The following ELFN2 variants were observed in gnomAD, a reference collection of about 807,000 sequenced individuals.
ELFN2 encodes protein phosphatase 1 regulatory subunit 29.
In ELFN2, 17 loss-of-function variants were observed where a neutral mutation model predicts 45.5. That is an observed-to-expected ratio of 0.37 (90% CI 0.26 to 0.56). The LOEUF (loss-of-function observed/expected upper bound fraction) is 0.56. Among genes scored for constraint, ELFN2 ranks in the 20% least tolerant of loss-of-function variants. The pLI, the probability that ELFN2 is intolerant of heterozygous loss-of-function variation, is 0.77. For missense variants in ELFN2, 922 were observed against 1,183.2 expected, an observed-to-expected ratio of 0.78 and a Z score of 3.24; for synonymous variants, 550 against 551.5, an observed-to-expected ratio of 1.00 and a Z score of 0.04.
chr22:37,387,814 C>G (rs896379822), intron 2 of ELFN2, among the ~76,000 whole-genome samples: 5 of 152,066 alleles, frequency 3.3e-5, no homozygotes, highest in Non-Finnish European at 7.4e-5. Context: ...CCCTTCAACC[C>G]TTCCCAAGGC....
intron 1 of ELFN2, among the ~76,000 whole-genome samples, chr22:37,359,499 C>G (rs1931029788): frequency 6.6e-6 from 1 of 152,358 alleles, no homozygotes; most frequent in Non-Finnish European, 1.5e-5. Flanking sequence ...GCTGTATCTG[C>G]AACACTGTCG....
chr22:37,344,298 G>C (rs1406167212), intron 1 of ELFN2, among the ~76,000 whole-genome samples: 8 of 148,650 alleles, frequency 5.4e-5, no homozygotes, highest in Non-Finnish European at 1.0e-4. Flanking sequence ...CCACAGCCCA[G>C]TCACCACACT....
At chr22:37,420,138 G>A (rs1215689626) in intron 1 of ELFN2, 2 of 152,200 alleles carry the variant, frequency 1.3e-5, no homozygotes, top group Non-Finnish European at 2.9e-5. Context: ...GGACGGTGCG[G>A]AGGTGGGGAG....
intron 2 of ELFN2, among the ~76,000 whole-genome samples, chr22:37,379,539 T>C (rs1027967764): frequency 6.6e-6 from 1 of 152,162 alleles, no homozygotes; most frequent in Non-Finnish European, 1.5e-5. Flanking sequence ...ACCAGCTCTC[T>C]TTAAGGGGCA....
In ELFN2 at chr22:37,375,466, G is replaced by T; in HGVS notation, c.69C>A (p.Asp23Glu). 1.2e-6 allele frequency: 2 copies of T among 1,608,530 alleles called. No homozygotes were observed. Among genetic ancestry groups the T allele is most frequent in the Non-Finnish European group, 1.7e-6 (2 of 1,177,616 alleles). Residue 23 changes from aspartate (D) to glutamate (E), a missense_variant, in exon 3 of 3, where the codon GAC becomes GAA. Transcript: ENST00000402918. ...CVCRPGAVRA[D>E]CWLIEGDKGY... ...CCTTGTCGCCCTCAATGAGCCAGCA[G>T]TCGGCACGCACGGCACCCGGCCGGC... is the stretch of plus-strand genomic sequence containing the variant.
At position 37,378,786 on chromosome 22, in the gene ELFN2, G is replaced by A. The variant is rs57657220; in HGVS notation, c.-462-2790C>T. ...ATCCCGGGCTGCCTGCCTGCCACCC[G>A]TGGAGACCTGACGCGGCCAGGGAGG... On this transcript the variant is annotated intron_variant, in intron 2 of 2. Transcript: ENST00000402918. Among the ~76,000 whole-genome samples, 13 of 152,366 alleles carry A rather than the reference G, an allele frequency of 8.5e-5. No individual in the cohort carries two copies. The South Asian group carries it at 1.4e-3, about 17-fold the overall frequency.
At chr22:37,392,018 G>C (rs1359078441) in intron 2 of ELFN2, among the ~76,000 whole-genome samples, 2 of 152,228 alleles carry the variant, frequency 1.3e-5, no homozygotes, top group East Asian at 3.9e-4. Flanking sequence ...AGGAGGAAAA[G>C]GATAACCCAC....
Position 37,373,748 on chromosome 22 carries a change from A to G in ELFN2, c.1787T>C (p.Leu596Pro). 1.3e-6 allele frequency: 2 copies of G among 1,571,830 alleles called. No homozygotes were observed. The highest frequency in any genetic ancestry group is 1.7e-6 in the Non-Finnish European group (2 of 1,165,886). ...AASSATGPGA[L>P]ERPSFLSPPY... ...AGGCGAAAGGAAGCTGGGCCGCTCC[A>G]GGGCCCCGGGGCCAGTGGCTGAGGA... Residue 596 changes from leucine to proline, a missense_variant, in exon 3 of 3, where the codon CTG becomes CCG. By Grantham distance (98) the Leu-to-Pro change is moderately conservative. Coordinates refer to ENST00000402918, the MANE Select transcript of ELFN2 (RefSeq NM_052906.5).
intron 2 of ELFN2, among the ~76,000 whole-genome samples, chr22:37,404,513 AGG>A (rs1932446931): frequency 6.6e-6 from 1 of 152,086 alleles, no homozygotes; most frequent in Non-Finnish European, 1.5e-5. Flanking sequence ...GCAGTGCAGG[AGG>A]ACAGAGGCAG....
intron 2 of ELFN2, among the ~76,000 whole-genome samples, chr22:37,395,443 A>G (rs921602529): frequency 1.3e-5 from 2 of 152,186 alleles, no homozygotes; most frequent in East Asian, 3.9e-4. Flanking sequence ...TCAGGCCCAG[A>G]GCAGTGAAGC....
In ELFN2 at chr22:37,403,682, C is replaced by T. The variant is rs987992338; in HGVS notation, c.-463+14087G>A. Among the ~76,000 whole-genome samples, 5 of 152,314 alleles carry T rather than the reference C, an allele frequency of 3.3e-5. No homozygotes were observed. The East Asian group carries it at 5.8e-4, about 18-fold the overall frequency. On this transcript the variant is annotated intron_variant, in intron 2 of 2. Coordinates refer to ENST00000402918, the MANE Select transcript of ELFN2 (RefSeq NM_052906.5). ...CACAGGAAAAGGCAGAAAAGGCAGG[C>T]CAGGCACCCAGAGACCATCCGGGAC...
chr22:37,396,420 C>T (rs1932213246), intron 2 of ELFN2, among the ~76,000 whole-genome samples: 1 of 152,200 alleles, frequency 6.6e-6, no homozygotes, highest in East Asian at 1.9e-4. Flanking sequence ...TCTGTTAGCG[C>T]ACTCATTTCC....
At chr22:37,423,674 T>A (rs1371373695) in intron 1 of ELFN2, among the ~76,000 whole-genome samples, 1 of 152,114 alleles carries the variant, frequency 6.6e-6, no homozygotes, top group Non-Finnish European at 1.5e-5. Context: ...TTAGCTGATA[T>A]CATTATTATT....
chr22:37,399,651 C>T (rs1181201552), intron 2 of ELFN2, among the ~76,000 whole-genome samples: 2 of 150,606 alleles, frequency 1.3e-5, no homozygotes, highest in African/African-American at 5.0e-5. Context: ...ACCTCTCCCA[C>T]CTCCACCGAC....
chr22:37,358,787 G>A (rs978148256), intron 1 of ELFN2, among the ~76,000 whole-genome samples: 15 of 152,216 alleles, frequency 9.9e-5, no homozygotes, highest in African/African-American at 3.1e-4. Context: ...CATCCCCCAA[G>A]TGAAGGGTGG....
chr22:37,383,151 G>A (rs561449245), intron 2 of ELFN2, among the ~76,000 whole-genome samples: 6 of 152,212 alleles, frequency 3.9e-5, no homozygotes, highest in Non-Finnish European at 7.4e-5. Flanking sequence ...ACAACGTGTC[G>A]CCTGGAGCCA....
intron 2 of ELFN2, among the ~76,000 whole-genome samples, chr22:37,408,136 G>A (rs9610744): frequency 0.2 from 29,930 of 152,186 alleles, 4,523 homozygotes; most frequent in African/African-American, 0.43. Flanking sequence ...CAGGGGCTGC[G>A]GTCTAGCCCA....
chr22:37,403,181 C>T (rs4324417), intron 2 of ELFN2, among the ~76,000 whole-genome samples: 75,442 of 142,890 alleles, frequency 0.53, 19,952 homozygotes, highest in African/African-American at 0.66. Flanking sequence ...TCCATGATGC[C>T]CCTCCCCCCA....
intron 2 of ELFN2, among the ~76,000 whole-genome samples, chr22:37,388,596 G>A (rs1191515396): frequency 6.6e-6 from 1 of 152,224 alleles, no homozygotes. Flanking sequence ...GGGCTCTTCT[G>A]CTCCCTGGGG....
Sources: allele counts gnomAD v4.1 joint callset (sites outside exome capture counted in the v4.1 genomes callset), GRCh38; gene constraint gnomAD v4.1.1; transcripts MANE v1.5; gene names NCBI Gene and HGNC (gene_info 2026-07-23, HGNC 2026-07-21).